Variants in PRAMEF20 observed in about 807,000 individuals in gnomAD.
The protein encoded by PRAMEF20 is PRAME family member 20/21.
Under a neutral mutation model 32.4 loss-of-function variants are expected in PRAMEF20, and 27 were observed. The observed-to-expected ratio is 0.83, with a 90% CI of 0.61 to 1.15. The LOEUF (loss-of-function observed/expected upper bound fraction) is 1.15, where lower values mean the gene tolerates loss of function less well. Among genes scored for constraint, PRAMEF20 ranks in the 50% most tolerant of loss-of-function variants. The pLI is 0.00. For synonymous variants in PRAMEF20, 256 were observed against 235.4 expected (o/e 1.09, Z -0.80); for missense variants, 604 against 584.5 (o/e 1.03, Z -0.34).
intron 2 of PRAMEF20, among the ~76,000 whole-genome samples, chr1:13,419,462 A>AT (rs1428628835): frequency 4.7e-5 from 7 of 150,452 alleles, no homozygotes; most frequent in East Asian, 3.9e-4. Flanking sequence ...AAACAAGATA[A>AT]TTTTTTTTGT....
upstream of PRAMEF20, among the ~76,000 whole-genome samples, chr1:13,413,950 G>T (rs1403696439): frequency 6.6e-6 from 1 of 152,116 alleles, no homozygotes; most frequent in Non-Finnish European, 1.5e-5. Context: ...TTCTCTAAAT[G>T]CAGGTTTGTC....
chr1:13,412,101 TCTCA>T (rs1256328910), upstream of PRAMEF20, among the ~76,000 whole-genome samples: 4 of 152,198 alleles, frequency 2.6e-5, no homozygotes, highest in African/African-American at 9.6e-5. Flanking sequence ...AGTTTTGCTC[TCTCA>T]CTCAGGCTAT....
chr1:13,412,624 C>T (rs1321802245), upstream of PRAMEF20, among the ~76,000 whole-genome samples: 1 of 152,114 alleles, frequency 6.6e-6, no homozygotes, highest in Non-Finnish European at 1.5e-5. Context: ...CCCTGCCCGG[C>T]TCCCACCCTT....
intron 1 of PRAMEF20, among the ~76,000 whole-genome samples, 171 bp from the exon 3 acceptor site, chr1:13,417,951 T>TGTGTGTGTGTGTGC (rs1557476949): frequency 6.8e-6 from 1 of 147,532 alleles, no homozygotes; most frequent in African/African-American, 2.5e-5. Context: ...TGTGTGTGTG[T>TGTGTGTGTGTGTGC]GTTTAGTAGA....
At chr1:13,412,991 T>C (rs2100428339), upstream of PRAMEF20, among the ~76,000 whole-genome samples, 1 of 152,316 alleles carries the variant, frequency 6.6e-6, no homozygotes, top group Admixed American at 6.5e-5. Flanking sequence ...TGATGATTTC[T>C]ATTGTGTTTT....
exon 3 of PRAMEF20, chr1:13,421,141 G>A: frequency 1.2e-6 from 2 of 1,613,958 alleles, no homozygotes; most frequent in South Asian, 1.1e-5. Flanking sequence ...GGGCTGAGCT[G>A]ATGGGGAGAG....
intron 2 of PRAMEF20, among the ~76,000 whole-genome samples, chr1:13,419,664 TC>T (rs1641220915): frequency 6.6e-6 from 1 of 151,952 alleles, no homozygotes; most frequent in South Asian, 2.1e-4. Flanking sequence ...GACCTTGTGA[TC>T]CGCCCGCCTC....
chr1:13,413,854 C>T (rs912671148), upstream of PRAMEF20, among the ~76,000 whole-genome samples: 1 of 152,126 alleles, frequency 6.6e-6, no homozygotes, highest in African/African-American at 2.4e-5. Context: ...GATCTGCAGT[C>T]AGCCAGTCTC....
chr1:13,418,656 G>A, exon 2 of PRAMEF20: 4 of 1,613,942 alleles, frequency 2.5e-6, no homozygotes, highest in Non-Finnish European at 3.4e-6. Flanking sequence ...AGCTTTATAT[G>A]AACTCTGTTT....
intron 2 of PRAMEF20, 48 bp from the exon 4 acceptor site, chr1:13,420,649 C>T: frequency 6.2e-7 from 1 of 1,613,144 alleles, no homozygotes; most frequent in Non-Finnish European, 8.5e-7. Context: ...CCACCCTCCA[C>T]TCACCCCTAC....
exon 3 of PRAMEF20, chr1:13,421,060 G>A (rs1641237893): frequency 1.2e-6 from 2 of 1,613,940 alleles, no homozygotes. Flanking sequence ...TATGCCTGGA[G>A]CTGTATCCTG....
exon 3 of PRAMEF20, chr1:13,421,291 C>CT: frequency 1.2e-6 from 2 of 1,613,608 alleles, no homozygotes. Flanking sequence ...ATATCAAACT[C>CT]TTTTTTCTGA....
intron 1 of PRAMEF20, among the ~76,000 whole-genome samples, chr1:13,417,040 A>G (rs1641183025): frequency 6.6e-6 from 1 of 152,202 alleles, no homozygotes; most frequent in Non-Finnish European, 1.5e-5. Flanking sequence ...GCTGACTTCA[A>G]GAATGAAGCC....
upstream of PRAMEF20, among the ~76,000 whole-genome samples, chr1:13,416,046 T>C (rs1375323360): frequency 1.3e-5 from 2 of 152,014 alleles, no homozygotes; most frequent in African/African-American, 4.8e-5. Context: ...CCCCCAAAGG[T>C]GGGAGGGATT....
At chr1:13,420,925 A>G (rs1641235912) in exon 3 of PRAMEF20, 1 of 1,613,698 alleles carries the variant, frequency 6.2e-7, no homozygotes, top group Non-Finnish European at 8.5e-7. Context: ...TAGACTCCCA[A>G]GTCAACGCCA....
At chr1:13,415,468 T>C (rs1641159282), upstream of PRAMEF20, among the ~76,000 whole-genome samples, 1 of 152,154 alleles carries the variant, frequency 6.6e-6, no homozygotes, top group African/African-American at 2.4e-5. Context: ...CACATAGCTT[T>C]CAAAGTTTCC....
chr1:13,420,684 T>C lies in PRAMEF20; in HGVS notation c.867-13T>C. On this transcript the variant is annotated splice_polypyrimidine_tract_variant and intron_variant, in intron 2 of 2. Coordinates refer to ENST00000602960, the Ensembl canonical transcript of PRAMEF20. ...CGATTCCCCAGAACTAACTTCCTGCTCTCTCTCCCCAGCTGTCTAAAGACC... is the reference window on the plus strand; with the variant it reads ...CGATTCCCCAGAACTAACTTCCTGCCCTCTCTCCCCAGCTGTCTAAAGACC... 2 of 1,613,756 alleles carry C rather than the reference T, an allele frequency of 1.2e-6. No homozygotes were observed. Among genetic ancestry groups the C allele is most frequent in the Non-Finnish European group, 1.7e-6 (2 of 1,179,804 alleles).
chr1:13,419,109 A>G (rs1641215374), intron 2 of PRAMEF20, among the ~76,000 whole-genome samples: 1 of 152,198 alleles, frequency 6.6e-6, no homozygotes, highest in African/African-American at 2.4e-5. Context: ...GTAACACAGC[A>G]AAGACTCCTG....
the PRAMEF20 span, among the ~76,000 whole-genome samples, chr1:13,411,162 A>T: frequency 7.9e-5 from 12 of 152,088 alleles, no homozygotes; most frequent in Non-Finnish European, 1.5e-4. Context: ...CCCAGCCTCT[A>T]CATAAAATGT....
Sources: allele counts gnomAD v4.1 joint callset (sites outside exome capture counted in the v4.1 genomes callset), GRCh38; gene constraint gnomAD v4.1.1; transcripts MANE v1.5; gene names NCBI Gene and HGNC (gene_info 2026-07-23, HGNC 2026-07-21).